The following SORL1-AS1 variants were observed in gnomAD, a reference collection of about 807,000 sequenced individuals.
SORL1-AS1 encodes SORL1 antisense RNA 1.
downstream of SORL1-AS1, among the ~76,000 whole-genome samples, chr11:121,442,674 T>C (rs188410821): frequency 9.4e-3 from 1,328 of 141,458 alleles, 24 homozygotes; most frequent in African/African-American, 0.03. Context: ...TATTTATTTA[T>C]TTATTTATTT....
the SORL1-AS1 span, among the ~76,000 whole-genome samples, chr11:121,440,808 T>C: frequency 6.8e-3 from 1,037 of 152,340 alleles, 9 homozygotes; most frequent in African/African-American, 0.024. Flanking sequence ...TAGCTGTCCA[T>C]TCTTCATCAA....
At chr11:121,444,819 T>C (rs1241018590), downstream of SORL1-AS1, among the ~76,000 whole-genome samples, 1 of 152,192 alleles carries the variant, frequency 6.6e-6, no homozygotes, top group Non-Finnish European at 1.5e-5. Flanking sequence ...TTAAGAATAG[T>C]CTTAATTTGT....
At chr11:121,451,888 G>C (rs1431162886) in intron 1 of SORL1-AS1, among the ~76,000 whole-genome samples, 1 of 152,146 alleles carries the variant, frequency 6.6e-6, no homozygotes, top group African/African-American at 2.4e-5. Flanking sequence ...CAGGAAAGTG[G>C]CCACGGTTTA....
At chr11:121,441,033 A>G in the SORL1-AS1 span, among the ~76,000 whole-genome samples, 1 of 152,164 alleles carries the variant, frequency 6.6e-6, no homozygotes, top group African/African-American at 2.4e-5. Context: ...ACTATTTACC[A>G]ATGGAGATAT....
In SORL1-AS1 at chr11:121,452,132, C is replaced by T. The variant is rs1860803715; in HGVS notation, n.339+543G>A. The T allele has an allele frequency of 1.3e-5, 2 of 158,734 alleles. No individual in the cohort carries two copies. The highest frequency in any genetic ancestry group is 2.4e-5 in the African/African-American group (1 of 41,470). 9.8% of individuals were successfully genotyped at this position (158,734 alleles called of 1,614,324 possible). A position where few individuals can be genotyped will look rare whatever the true frequency, so the allele number is the denominator to read the frequency against. ...GTGCGCGAAAGGGACGCGCTGCGAG[C>T]CTCACACGTGACGGCGCCGCGCCGA... On this transcript the variant is annotated intron_variant and non_coding_transcript_variant, in intron 1 of 1. Transcript: ENST00000501964. This position sits in a 1 kb window ranked among gnomAD's most constrained non-coding sequence, Gnocchi z 5.3.
chr11:121,452,167 G>T lies in SORL1-AS1; in HGVS notation n.339+508C>A. The T allele has an allele frequency of 5.0e-6, 1 of 200,120 alleles. No individual in the cohort carries two copies. The highest frequency in any genetic ancestry group is 1.6e-4 in the South Asian group (1 of 6,416). The allele number at this position is 200,120 out of a possible 1,614,324, so 12.4% of individuals were successfully genotyped here. A position where few individuals can be genotyped will look rare whatever the true frequency, so the allele number is the denominator to read the frequency against. ...GACGGCGCCGCGCCGAACCGAGCGG[G>T]ACCTGGCGGCAGCGGCGGCGGGCGC... On this transcript the variant is annotated intron_variant and non_coding_transcript_variant, in intron 1 of 1. Transcript: ENST00000501964. This position sits in a 1 kb window ranked among gnomAD's most constrained non-coding sequence, Gnocchi z 5.3.
downstream of SORL1-AS1, among the ~76,000 whole-genome samples, chr11:121,442,681 ATTTATTTATTTT>A (rs1212699066): frequency 2.9e-5 from 4 of 139,550 alleles, no homozygotes; most frequent in African/African-American, 1.1e-4. Context: ...TTATTTATTT[ATTTATTTATTTT>A]TTTGAGATGG....
downstream of SORL1-AS1, among the ~76,000 whole-genome samples, chr11:121,445,791 T>C (rs1458083910): frequency 2.0e-5 from 3 of 152,130 alleles, no homozygotes; most frequent in African/African-American, 4.8e-5. Flanking sequence ...GAATTCTTTT[T>C]GTATTTACAT....
chr11:121,452,454 C>G lies in SORL1-AS1; in HGVS notation n.339+221G>C. The G allele has an allele frequency of 1.3e-6, 2 of 1,509,992 alleles. No individual in the cohort carries two copies. Among genetic ancestry groups the G allele is most frequent in the Non-Finnish European group, 1.8e-6 (2 of 1,130,750 alleles). 93.5% of individuals were successfully genotyped at this position (1,509,992 alleles called of 1,614,324 possible). A position where few individuals can be genotyped will look rare whatever the true frequency, so the allele number is the denominator to read the frequency against. On this transcript the variant is annotated intron_variant and non_coding_transcript_variant, in intron 1 of 1. Coordinates refer to ENST00000501964, the Ensembl canonical transcript of SORL1-AS1. This position sits in a 1 kb window ranked among gnomAD's most constrained non-coding sequence, Gnocchi z 5.3. ...AGAGGCTGCACGGCGGCAGCGCGCC[C>G]TTGCCCCAGGACCGGGGCTTCCTCG...
the SORL1-AS1 span, among the ~76,000 whole-genome samples, chr11:121,438,782 C>T: frequency 1.3e-5 from 2 of 152,198 alleles, no homozygotes; most frequent in Admixed American, 6.5e-5. Context: ...AATCCCAGCA[C>T]TTTGGGAGGC....
chr11:121,438,834 T>C, the SORL1-AS1 span, among the ~76,000 whole-genome samples: 1 of 152,156 alleles, frequency 6.6e-6, no homozygotes. Context: ...GAGAGCAGCC[T>C]GGCCAATATG....
the SORL1-AS1 span, among the ~76,000 whole-genome samples, chr11:121,439,112 T>C: frequency 6.6e-6 from 1 of 152,200 alleles, no homozygotes; most frequent in Non-Finnish European, 1.5e-5. Context: ...CTTTTGGAAT[T>C]TTTAGATCAC....
At chr11:121,438,720 A>C in the SORL1-AS1 span, among the ~76,000 whole-genome samples, 1 of 152,236 alleles carries the variant, frequency 6.6e-6, no homozygotes, top group African/African-American at 2.4e-5. Flanking sequence ...TTGTTTCCAA[A>C]GTTTGGCTTT....
chr11:121,452,619 G>A lies in SORL1-AS1; in HGVS notation n.339+56C>T. On this transcript the variant is annotated intron_variant and non_coding_transcript_variant, in intron 1 of 1. Coordinates refer to ENST00000501964, the Ensembl canonical transcript of SORL1-AS1. The surrounding 1 kb of genome is among the most constrained non-coding windows in gnomAD (Gnocchi z 5.3). ...AGCCCATCAAGGTGTACGGACAGGTGAGCAGTTTTGCAACCCGCCTCCCTC... is the reference window on the plus strand; with the variant it reads ...AGCCCATCAAGGTGTACGGACAGGTAAGCAGTTTTGCAACCCGCCTCCCTC... 6.8e-7 allele frequency: 1 copy of A among 1,475,986 alleles called. No individual in the cohort carries two copies. The highest frequency in any genetic ancestry group is 8.9e-7 in the Non-Finnish European group (1 of 1,117,884). 91.4% of individuals were successfully genotyped at this position (1,475,986 alleles called of 1,614,324 possible). A position where few individuals can be genotyped will look rare whatever the true frequency, so the allele number is the denominator to read the frequency against.
chr11:121,443,321 C>T (rs1200105700), downstream of SORL1-AS1, among the ~76,000 whole-genome samples: 1 of 152,142 alleles, frequency 6.6e-6, no homozygotes, highest in East Asian at 1.9e-4. Context: ...AAATGACTGC[C>T]CCAGGTTGCT....
At position 121,452,382 on chromosome 11, in the gene SORL1-AS1, C is replaced by G. The variant is rs1274157185; in HGVS notation, n.339+293G>C. On this transcript the variant is annotated intron_variant and non_coding_transcript_variant, in intron 1 of 1. Coordinates refer to ENST00000501964, the Ensembl canonical transcript of SORL1-AS1. The surrounding 1 kb of genome is among the most constrained non-coding windows in gnomAD (Gnocchi z 5.3). The stretch of plus-strand genomic sequence containing the variant: ...AGTCGCGACTCCCGTTCCTATTCAC[C>G]CTGGTCGCACTGCTGCCGCCCGGAG... 1 of 1,551,318 alleles carries G rather than the reference C, an allele frequency of 6.4e-7. No homozygotes were observed. The highest frequency in any genetic ancestry group is 8.7e-7 in the Non-Finnish European group (1 of 1,153,292).
At chr11:121,447,672 C>T (rs1860741364) in exon 2 of SORL1-AS1, 2 of 152,098 alleles carry the variant, frequency 1.3e-5, no homozygotes, top group Non-Finnish European at 2.9e-5. Flanking sequence ...GAAACCAAAT[C>T]CCTCGCTAAA....
At position 121,452,352 on chromosome 11, in the gene SORL1-AS1, G is replaced by A; in HGVS notation, n.339+323C>T. 3 of 1,554,568 alleles carry A rather than the reference G, an allele frequency of 1.9e-6. No homozygotes were observed. The highest frequency in any genetic ancestry group is 2.6e-6 in the Non-Finnish European group (3 of 1,154,874). The stretch of plus-strand genomic sequence containing the variant: ...CGAACATGGCGACACGGAGCAGCAG[G>A]AGGGAGTCGCGACTCCCGTTCCTAT... On this transcript the variant is annotated intron_variant and non_coding_transcript_variant, in intron 1 of 1. Transcript: ENST00000501964. The surrounding 1 kb of genome is among the most constrained non-coding windows in gnomAD (Gnocchi z 5.3).
rs949112777 is a variant in SORL1-AS1 at position 121,452,468 on chromosome 11, G to A, written n.339+207C>T. On this transcript the variant is annotated intron_variant and non_coding_transcript_variant, in intron 1 of 1. Transcript: ENST00000501964. This position sits in a 1 kb window ranked among gnomAD's most constrained non-coding sequence, Gnocchi z 5.3. ...GGCAGCGCGCCCTTGCCCCAGGACC[G>A]GGGCTTCCTCGTGGTGCAGGGCGAC... 3.3e-6 allele frequency: 5 copies of A among 1,506,020 alleles called. No homozygotes were observed. The South Asian group carries it at 6.2e-5, about 19-fold the overall frequency. The allele number at this position is 1,506,020 out of a possible 1,614,324, so 93.3% of individuals were successfully genotyped here.
Sources: gnomAD v4.1 joint callset for allele counts (sites outside exome capture counted in the v4.1 genomes callset) on GRCh38, gnomAD v4.1.1 for gene constraint, Gnocchi (gnomAD v3.1) non-coding constraint, MANE v1.5 for transcripts, NCBI Gene and HGNC (gene_info 2026-07-23, HGNC 2026-07-21) for gene names.